USP36: variants seen among roughly 807,000 people sequenced by gnomAD.
USP36 encodes ubiquitin carboxyl-terminal hydrolase 36.
In USP36, 59 loss-of-function variants were observed where a neutral mutation model predicts 111.5. That is an observed-to-expected ratio of 0.53 (90% confidence interval 0.43 to 0.66). USP36 has a LOEUF of 0.66. Among genes scored for constraint, USP36 ranks in the 30% least tolerant of loss-of-function variants. The pLI is 0.00. For synonymous variants in USP36, 628 were observed against 581.0 expected (o/e 1.08, Z -1.16); for missense variants, 1,488 against 1,468.0 (o/e 1.01, Z -0.22).
Position 78,798,866 on chromosome 17 carries a change from G to T in USP36, c.3240+42C>A. On this transcript the variant is annotated intron_variant, in intron 19 of 20. Transcript: ENST00000449938. This position sits in a 1 kb window ranked among gnomAD's most constrained non-coding sequence, Gnocchi z 5.1. ...CCCCGGCTCTGAGCTGAGCCACGCC[G>T]CCCTGCTCCCTCAAGCCTGTGGTCA... The T allele has an allele frequency of 6.2e-7, 1 of 1,607,918 alleles. No homozygotes were observed. The highest frequency in any genetic ancestry group is 8.5e-7 in the Non-Finnish European group (1 of 1,175,310).
At chr17:78,821,156 A>G in intron 7 of USP36, 95 bp from the exon 8 acceptor site, 1 of 1,259,464 alleles carries the variant, frequency 7.9e-7, no homozygotes, top group Non-Finnish European at 1.1e-6. Flanking sequence ...GACTCTCAGC[A>G]GGGCTTTGGC....
chr17:78,798,123 ACACACCC>A lies in USP36; in HGVS notation c.*21-251_*21-245del, dbSNP rs111817223. 2.0e-3 allele frequency: 845 copies of A among 415,426 alleles called. 4 individuals carry two copies. Among genetic ancestry groups the A allele is most frequent in the African/African-American group, 0.016 (792 of 50,600 alleles). 25.7% of individuals were successfully genotyped at this position (415,426 alleles called of 1,614,324 possible). On this transcript the variant is annotated intron_variant, in intron 20 of 20. Transcript: ENST00000449938. This position sits in a 1 kb window ranked among gnomAD's most constrained non-coding sequence, Gnocchi z 5.1. ...AACACATGCCACAGATGCCAGGTGTACACACCCCACACCCAACACACACTACACACAC... is the reference window on the plus strand; with the variant it reads ...AACACATGCCACAGATGCCAGGTGTACACACCCAACACACACTACACACAC...
At chr17:78,816,175 T>TA (rs201313981) in intron 10 of USP36, among the ~76,000 whole-genome samples, 6 of 151,640 alleles carry the variant, frequency 4.0e-5, no homozygotes, top group African/African-American at 1.5e-4. Context: ...TTTTTTTTTT[T>TA]AAGAAACACA....
At chr17:78,802,029 T>C (rs1163078379) in intron 17 of USP36, among the ~76,000 whole-genome samples, 2 of 152,040 alleles carry the variant, frequency 1.3e-5, no homozygotes, top group Non-Finnish European at 2.9e-5. Flanking sequence ...TCAGATGCAG[T>C]AGACGCTGCT....
At chr17:78,799,579 A>G (rs1435002415) in intron 18 of USP36, 88 bp downstream of exon 18, 2 of 1,202,946 alleles carry the variant, frequency 1.7e-6, no homozygotes, top group South Asian at 1.3e-5. Context: ...CGCCACACTC[A>G]CAGTGCACCA....
chr17:78,832,386 G>A lies in USP36; in HGVS notation c.475+2894C>T, dbSNP rs145619489. Among the ~76,000 whole-genome samples, 1,297 of 152,258 alleles carry A rather than the reference G, an allele frequency of 8.5e-3. 7 individuals carry two copies. The highest frequency in any genetic ancestry group is 0.024 in the Admixed American group (370 of 15,288). ...GGGGTCACTCAGGATCCAGTGGGGT[G>A]CAGGAAAAAAAGGCCACAACGTCTC... is the stretch of plus-strand genomic sequence containing the variant. On this transcript the variant is annotated intron_variant, in intron 4 of 20. Coordinates refer to ENST00000449938, the MANE Select transcript of USP36 (RefSeq NM_001385174.1).
chr17:78,820,338 G>A (rs182774122), intron 8 of USP36, among the ~76,000 whole-genome samples: 21 of 152,270 alleles, frequency 1.4e-4, no homozygotes, highest in Admixed American at 8.5e-4. Context: ...TTAGCCAGGC[G>A]TGGTGGTGCA....
chr17:78,798,352 GCA>G lies in USP36; in HGVS notation c.*20+46_*20+47del. 6.3e-7 allele frequency: 1 copy of G among 1,599,344 alleles called. No individual in the cohort carries two copies. The highest frequency in any genetic ancestry group is 1.1e-5 in the South Asian group (1 of 90,484). On this transcript the variant is annotated intron_variant, in intron 20 of 20. Coordinates refer to ENST00000449938, the MANE Select transcript of USP36 (RefSeq NM_001385174.1). The surrounding 1 kb of genome is among the most constrained non-coding windows in gnomAD (Gnocchi z 5.1). ...CACCACACCCCTACACACATACACG[GCA>G]CACACACCCCCACCTCACCCTTACA... is the stretch of plus-strand genomic sequence containing the variant.
chr17:78,803,964 G>A lies in USP36; in HGVS notation c.2231C>T (p.Ala744Val), dbSNP rs1355897500. 3.8e-6 allele frequency: 6 copies of A among 1,596,904 alleles called. No individual in the cohort carries two copies. The highest frequency in any genetic ancestry group is 2.6e-6 in the Non-Finnish European group (3 of 1,175,598). ...TTGCAGGCGGCTGGATGATTGGGGA[G>A]CAGGTGACACAGCCCTGTGGGGACA... ...PVHRARAVSP[A>V]PQSSSRLQPP... is the part of the protein sequence containing the mutation. Residue 744 changes from alanine to valine, a missense_variant, in exon 16 of 21, where the codon GCT (alanine) becomes GTT (valine). Physicochemically the swap from Ala to Val is moderately conservative, Grantham distance 64. Around this residue, in one of 3 missense-constraint regions of USP36, gnomAD observed 1,073 missense variants for 994.1 expected, o/e 1.08. Transcript: ENST00000449938. This position sits in a 1 kb window ranked among gnomAD's most constrained non-coding sequence, Gnocchi z 4.6.
chr17:78,821,126 C>A, intron 7 of USP36, 65 bp from the exon 8 acceptor site: 11 of 1,491,098 alleles, frequency 7.4e-6, no homozygotes, highest in South Asian at 2.4e-5. Flanking sequence ...CTCCCAAGAC[C>A]GAGACCCAGC....
intron 6 of USP36, among the ~76,000 whole-genome samples, chr17:78,823,631 T>C (rs994503289): frequency 1.3e-5 from 2 of 151,836 alleles, no homozygotes; most frequent in African/African-American, 4.8e-5. Context: ...GTGCTGAATA[T>C]GGGGTCTCAC....
chr17:78,815,415 T>C (rs2094155786), intron 10 of USP36, among the ~76,000 whole-genome samples: 1 of 152,190 alleles, frequency 6.6e-6, no homozygotes. Flanking sequence ...GGAAACTTTA[T>C]TGTCCCATCA....
At chr17:78,823,837 G>C (rs1280041110) in intron 6 of USP36, among the ~76,000 whole-genome samples, 1 of 152,206 alleles carries the variant, frequency 6.6e-6, no homozygotes, top group Non-Finnish European at 1.5e-5. Context: ...AACCATGAAA[G>C]TGCACTGCAC....
intron 4 of USP36, among the ~76,000 whole-genome samples, chr17:78,832,851 C>T (rs1286908504): frequency 6.6e-6 from 1 of 152,188 alleles, no homozygotes; most frequent in Non-Finnish European, 1.5e-5. Context: ...AATTAGCCAT[C>T]TCAACAATGT....
intron 13 of USP36, among the ~76,000 whole-genome samples, chr17:78,811,438 C>G (rs1326465079): frequency 1.3e-5 from 2 of 152,144 alleles, no homozygotes; most frequent in Non-Finnish European, 2.9e-5. Flanking sequence ...GAGTAAATTG[C>G]AGACATGATG....
At chr17:78,822,592 C>G (rs1352948560) in intron 6 of USP36, among the ~76,000 whole-genome samples, 1 of 152,222 alleles carries the variant, frequency 6.6e-6, no homozygotes, top group African/African-American at 2.4e-5. Context: ...ATTCATGTCC[C>G]CCGCACCGCT....
intron 13 of USP36, among the ~76,000 whole-genome samples, chr17:78,809,364 C>A (rs2093993471): frequency 1.3e-5 from 2 of 152,140 alleles, no homozygotes; most frequent in East Asian, 3.8e-4. Context: ...ATACTGTTTT[C>A]TAAAAGGAAT....
intron 10 of USP36, 36 bp from the exon 11 acceptor site, chr17:78,814,588 CACTTT>C: frequency 1.2e-6 from 2 of 1,602,360 alleles, no homozygotes; most frequent in Non-Finnish European, 1.7e-6. Flanking sequence ...AAATAAAATT[CACTTT>C]GAGAGTAAAG....
chr17:78,833,688 A>AT (rs1422070571), intron 4 of USP36, among the ~76,000 whole-genome samples: 1 of 152,062 alleles, frequency 6.6e-6, no homozygotes, highest in African/African-American at 2.4e-5. Context: ...CTACTTAGAG[A>AT]TTTTCTGCGA....
Sources: allele counts gnomAD v4.1 joint callset (sites outside exome capture counted in the v4.1 genomes callset), GRCh38; gene constraint gnomAD v4.1.1; regional missense constraint gnomAD v4.1.1; non-coding constraint Gnocchi (gnomAD v3.1); transcripts MANE v1.5; gene names NCBI Gene and HGNC (gene_info 2026-07-23, HGNC 2026-07-21).